EPB41L5: variants seen among roughly 807,000 people sequenced by gnomAD.
EPB41L5 encodes the protein band 4.1-like protein 5.
In EPB41L5, 55 loss-of-function variants were observed where a neutral mutation model predicts 106.6. The ratio of observed to expected loss-of-function variants is 0.52; its 90% confidence interval spans 0.42 to 0.65. The LOEUF (loss-of-function observed/expected upper bound fraction) is 0.65. Among genes scored for constraint, EPB41L5 ranks in the 30% least tolerant of loss-of-function variants. The pLI, the probability that EPB41L5 is intolerant of heterozygous loss-of-function variation, is 0.00. For missense variants in EPB41L5, 871 were observed against 882.1 expected, an observed-to-expected ratio of 0.99 and a Z score of 0.16; for synonymous variants, 297 against 306.7, an observed-to-expected ratio of 0.97 and a Z score of 0.33.
At chr2:120,174,370 TGGAA>T (rs1687838404) in intron 24 of EPB41L5, among the ~76,000 whole-genome samples, 1 of 151,568 alleles carries the variant, frequency 6.6e-6, no homozygotes, top group South Asian at 2.1e-4. Flanking sequence ...GAGGCTGAGG[TGGAA>T]GGATCATTTG....
chr2:120,150,226 A>G (rs554483970), intron 20 of EPB41L5, among the ~76,000 whole-genome samples: 2 of 152,204 alleles, frequency 1.3e-5, no homozygotes, highest in African/African-American at 4.8e-5. Context: ...CATTTCTCTA[A>G]TGATTAAGAA....
chr2:120,052,891 C>T (rs996559284), intron 3 of EPB41L5, among the ~76,000 whole-genome samples: 1 of 152,166 alleles, frequency 6.6e-6, no homozygotes, highest in Admixed American at 6.5e-5. Flanking sequence ...TCTAACACTA[C>T]AGGGCTTCTT....
At chr2:120,084,255 G>T (rs1682901383) in intron 10 of EPB41L5, among the ~76,000 whole-genome samples, 1 of 152,148 alleles carries the variant, frequency 6.6e-6, no homozygotes, top group African/African-American at 2.4e-5. Context: ...TTTTGCAGTG[G>T]CTGGTACCAG....
intron 2 of EPB41L5, among the ~76,000 whole-genome samples, chr2:120,021,914 C>T (rs768424055): frequency 2.4e-4 from 36 of 152,164 alleles, no homozygotes; most frequent in African/African-American, 6.7e-4. Context: ...TTTCCCATTA[C>T]GATAAGGGTC....
At chr2:120,052,906 T>G (rs1029244476) in intron 3 of EPB41L5, among the ~76,000 whole-genome samples, 1 of 152,046 alleles carries the variant, frequency 6.6e-6, no homozygotes. Flanking sequence ...CTTCTTGTAG[T>G]TTTTTTTCTC....
intron 3 of EPB41L5, among the ~76,000 whole-genome samples, chr2:120,071,461 G>A (rs779244768): frequency 7.3e-5 from 11 of 150,496 alleles, no homozygotes; most frequent in Admixed American, 2.6e-4. Context: ...AAAAGAGCCC[G>A]TATAGCCAAG....
At chr2:120,026,659 G>A (rs960121412) in intron 2 of EPB41L5, among the ~76,000 whole-genome samples, 9 of 152,152 alleles carry the variant, frequency 5.9e-5, no homozygotes, top group Admixed American at 5.9e-4. Flanking sequence ...GTGAGCCACT[G>A]CGCCCGGCCT....
chr2:120,147,340 C>T (rs1236856987), intron 20 of EPB41L5, among the ~76,000 whole-genome samples: 3 of 152,034 alleles, frequency 2.0e-5, no homozygotes, highest in Non-Finnish European at 4.4e-5. Context: ...CAGAGTGAGA[C>T]CCTGGTTTTT....
At position 120,175,042 on chromosome 2, in the gene EPB41L5, T is replaced by TA. The variant is rs1206031714; in HGVS notation, c.*141dup. On this transcript the variant is annotated 3_prime_UTR_variant, in exon 25 of 25. Transcript: ENST00000263713. ...GCACGTAGATTTGACTTCAACTCCG[T>TA]AAAAAAGACAGCTGTATTTTCCGTC... 1.2e-6 allele frequency: 1 copy of TA among 810,530 alleles called. No individual in the cohort carries two copies. Among genetic ancestry groups the TA allele is most frequent in the African/African-American group, 1.7e-5 (1 of 59,284 alleles). 50.2% of individuals were successfully genotyped at this position (810,530 alleles called of 1,614,324 possible). A position where few individuals can be genotyped will look rare whatever the true frequency, so the allele number is the denominator to read the frequency against.
At chr2:120,160,540 A>G (rs920935349) in intron 20 of EPB41L5, 1 of 179,396 alleles carries the variant, frequency 5.6e-6, no homozygotes, top group African/African-American at 2.4e-5. Flanking sequence ...GCTGAACCAT[A>G]TGGTCATTCT....
At chr2:120,064,510 T>C (rs1300965108) in intron 3 of EPB41L5, among the ~76,000 whole-genome samples, 2 of 152,220 alleles carry the variant, frequency 1.3e-5, no homozygotes, top group East Asian at 3.8e-4. Flanking sequence ...CCTGATTCTT[T>C]GTTTGGTTTA....
At chr2:120,047,835 A>G (rs999548350) in intron 3 of EPB41L5, among the ~76,000 whole-genome samples, 38 of 152,274 alleles carry the variant, frequency 2.5e-4, no homozygotes, top group African/African-American at 5.8e-4. Flanking sequence ...AGATACTTTC[A>G]TCAATACCTA....
At chr2:120,087,275 C>T in intron 11 of EPB41L5, 35 bp downstream of exon 11, 2 of 1,242,804 alleles carry the variant, frequency 1.6e-6, no homozygotes, top group South Asian at 2.5e-5. Context: ...ACTTGTGTAA[C>T]AGTGACTGTA....
intron 10 of EPB41L5, among the ~76,000 whole-genome samples, chr2:120,086,196 G>C (rs1683043322): frequency 6.6e-6 from 1 of 152,030 alleles, no homozygotes; most frequent in African/African-American, 2.4e-5. Flanking sequence ...GTGAGATTCT[G>C]TTTCCTTTCT....
chr2:120,061,896 T>G (rs1681106674), intron 3 of EPB41L5, among the ~76,000 whole-genome samples: 2 of 152,182 alleles, frequency 1.3e-5, no homozygotes, highest in Non-Finnish European at 2.9e-5. Context: ...TGGTTCTTGA[T>G]GTAAGCATGG....
intron 3 of EPB41L5, among the ~76,000 whole-genome samples, chr2:120,069,489 A>AC (rs1384939030): frequency 5.9e-5 from 9 of 152,086 alleles, no homozygotes; most frequent in African/African-American, 2.2e-4. Context: ...CATCTACAGA[A>AC]CTCTCCACCC....
chr2:120,093,167 A>T, intron 13 of EPB41L5, 82 bp from the exon 14 acceptor site: 1 of 1,060,016 alleles, frequency 9.4e-7, no homozygotes, highest in Non-Finnish European at 1.5e-6. Flanking sequence ...TAAAGCAATT[A>T]GTTAAAGTTT....
In EPB41L5 at chr2:120,169,224, C is replaced by G. The variant is rs368703454; in HGVS notation, c.2135+1217C>G. On this transcript the variant is annotated intron_variant, in intron 24 of 24. Transcript: ENST00000263713. ...CTGGTTTATGAAAAAAATGATGATG[C>G]AATGCTGTAAGGAAAGAATGGTCTT... Among the ~76,000 whole-genome samples, 466 of 152,248 alleles carry G rather than the reference C, an allele frequency of 3.1e-3. 1 individual carries two copies. The highest frequency in any genetic ancestry group is 6.8e-3 in the Middle Eastern group (2 of 294).
chr2:120,025,939 G>A (rs2105148689), intron 2 of EPB41L5, among the ~76,000 whole-genome samples: 1 of 152,278 alleles, frequency 6.6e-6, no homozygotes, highest in African/African-American at 2.4e-5. Flanking sequence ...AGACACATAG[G>A]TCTGTGGAAC....
Sources: allele counts gnomAD v4.1 joint callset (sites outside exome capture counted in the v4.1 genomes callset), GRCh38; gene constraint gnomAD v4.1.1; transcripts MANE v1.5; gene names NCBI Gene and HGNC (gene_info 2026-07-23, HGNC 2026-07-21).